ULK4: variants seen among roughly 807,000 people sequenced by gnomAD.
ULK4 encodes the protein unc-51 like kinase 4.
ULK4 carries 133 observed loss-of-function variants against 160.6 expected under a neutral mutation model. The observed-to-expected ratio is 0.83, with a 90% CI of 0.72 to 0.96. The LOEUF (loss-of-function observed/expected upper bound fraction) is 0.96, where lower values mean the gene tolerates loss of function less well. ULK4 is among the 40% of genes least tolerant of loss of function. The pLI is 0.00. For missense variants in ULK4, 1,580 were observed against 1,499.5 expected (o/e 1.05, Z -0.89); for synonymous variants, 534 against 539.8 (o/e 0.99, Z 0.15).
At chr3:41,895,271 TTAATAAA>T (rs1434894543) in intron 16 of ULK4, among the ~76,000 whole-genome samples, 1 of 152,130 alleles carries the variant, frequency 6.6e-6, no homozygotes, top group Non-Finnish European at 1.5e-5. Context: ...ACAATAACAG[TTAATAAA>T]GTTTCCAGGA....
At chr3:41,514,674 G>A (rs2085693866) in intron 32 of ULK4, among the ~76,000 whole-genome samples, 1 of 152,188 alleles carries the variant, frequency 6.6e-6, no homozygotes, top group South Asian at 2.1e-4. Flanking sequence ...AAACAAGCCA[G>A]GCACAGAAAG....
intron 35 of ULK4, among the ~76,000 whole-genome samples, chr3:41,363,365 T>C (rs2081185957): frequency 1.3e-5 from 2 of 152,192 alleles, no homozygotes; most frequent in Admixed American, 6.5e-5. Flanking sequence ...TGTGCTCTCC[T>C]GAGTCAGACA....
rs1037288571 is a variant in ULK4, at chr3:41,960,608, G to A, written c.-49+1408C>T. Among the ~76,000 whole-genome samples, 18 of 152,112 alleles carry A rather than the reference G, an allele frequency of 1.2e-4. No homozygotes were observed. In the Middle Eastern group the frequency reaches 0.01, roughly 86 times the overall value. On this transcript the variant is annotated intron_variant, in intron 1 of 36. Transcript: ENST00000301831. ...TAGAACTCCTGGCCTCAAGTGATCC[G>A]CCTGCCTCGGCCTTCCAAAGTGCTA...
chr3:41,870,672 A>G (rs1385322232), intron 17 of ULK4, among the ~76,000 whole-genome samples: 3 of 152,222 alleles, frequency 2.0e-5, no homozygotes, highest in Admixed American at 6.5e-5. Context: ...ATGTGTATAT[A>G]TAATTCTACA....
At chr3:41,625,177 G>C (rs537188179) in intron 30 of ULK4, among the ~76,000 whole-genome samples, 1 of 152,138 alleles carries the variant, frequency 6.6e-6, no homozygotes, top group Non-Finnish European at 1.5e-5. Flanking sequence ...TTAATTAAAA[G>C]AATAAAACAG....
At chr3:41,596,543 T>TGG (rs916534565) in intron 31 of ULK4, among the ~76,000 whole-genome samples, 1 of 152,098 alleles carries the variant, frequency 6.6e-6, no homozygotes, top group Non-Finnish European at 1.5e-5. Context: ...TGATAATGGC[T>TGG]GGGTCAATGG....
intron 21 of ULK4, among the ~76,000 whole-genome samples, chr3:41,771,643 A>C (rs1045310946): frequency 6.6e-6 from 1 of 152,156 alleles, no homozygotes; most frequent in Non-Finnish European, 1.5e-5. Flanking sequence ...TGTGGTAGGA[A>C]GACCATAATA....
intron 35 of ULK4, among the ~76,000 whole-genome samples, chr3:41,300,839 ATATATATATATAT>A (rs2079775721): frequency 5.7e-5 from 1 of 17,538 alleles, no homozygotes; most frequent in African/African-American, 1.9e-4. Context: ...TTTACAGATT[ATATATATATATAT>A]ATATATATAT....
In ULK4 at chr3:41,392,472, T is replaced by G. The variant is rs138354296; in HGVS notation, c.3678+5607A>C. On this transcript the variant is annotated intron_variant, in intron 35 of 36. Transcript: ENST00000301831. The stretch of plus-strand genomic sequence containing the variant: ...AATCCAGGGCCCTTTCTGTGATTCA[T>G]AGGGAGGGATCTGCTACATTATTCC... Among the ~76,000 whole-genome samples the G allele has an allele frequency of 7.0e-4, 107 of 152,284 alleles. No individual in the cohort carries two copies. In the South Asian group the frequency reaches 0.014, roughly 20 times the overall value.
At chr3:41,951,924 T>G (rs1210745655) in intron 2 of ULK4, among the ~76,000 whole-genome samples, 1 of 152,244 alleles carries the variant, frequency 6.6e-6, no homozygotes, top group Non-Finnish European at 1.5e-5. Context: ...GGCACCTTAA[T>G]CCTGGACTTC....
At chr3:41,634,400 G>C (rs572593420) in intron 30 of ULK4, among the ~76,000 whole-genome samples, 1 of 152,292 alleles carries the variant, frequency 6.6e-6, no homozygotes, top group African/African-American at 2.4e-5. Flanking sequence ...CAGGAAACAA[G>C]ATGAAAGAGT....
At chr3:41,446,921 T>C (rs1463604471) in intron 34 of ULK4, among the ~76,000 whole-genome samples, 2 of 149,748 alleles carry the variant, frequency 1.3e-5, no homozygotes, top group Admixed American at 1.3e-4. Flanking sequence ...AATAAAAACG[T>C]ACCAAAAAAA....
In ULK4 at chr3:41,906,605, G is replaced by GA. The variant is rs575007690; in HGVS notation, c.1182+1239dup. On this transcript the variant is annotated intron_variant, in intron 12 of 36. Transcript: ENST00000301831. ...CCAAATATTCACCAGCTGATGACTG[G>GA]AAAAAAAAAAAGATGTTGTATATAC... Among the ~76,000 whole-genome samples, 736 of 144,190 alleles carry GA rather than the reference G, an allele frequency of 5.1e-3. 8 individuals carry two copies. The highest frequency in any genetic ancestry group is 0.015 in the African/African-American group (604 of 39,324). The allele number at this position is 144,190 out of a possible 152,430, so 94.6% of individuals were successfully genotyped here.
intron 31 of ULK4, among the ~76,000 whole-genome samples, chr3:41,569,013 A>G (rs1375913474): frequency 3.3e-5 from 5 of 152,198 alleles, no homozygotes; most frequent in Non-Finnish European, 7.3e-5. Flanking sequence ...CCATTTTACT[A>G]TAAAGGACAT....
At chr3:41,398,494 C>G (rs1457665657) in intron 34 of ULK4, among the ~76,000 whole-genome samples, 3 of 151,458 alleles carry the variant, frequency 2.0e-5, no homozygotes, top group Non-Finnish European at 2.9e-5. Context: ...AGTGATCCTC[C>G]TGCCTCAGCC....
rs1380005169 is a variant in ULK4 at position 41,246,841 on chromosome 3, G to T, written c.*88C>A. ...TTAGGTCCAAAGACAGCTGTGAGGG[G>T]ATGTGGCAAAGGTGTCTGGGAGCTG... On this transcript the variant is annotated 3_prime_UTR_variant, in exon 37 of 37. Coordinates refer to ENST00000301831, the MANE Select transcript of ULK4 (RefSeq NM_017886.4). 1.6e-5 allele frequency: 23 copies of T among 1,471,654 alleles called. No homozygotes were observed. The highest frequency in any genetic ancestry group is 2.1e-5 in the Non-Finnish European group (23 of 1,071,034). 91.2% of individuals were successfully genotyped at this position (1,471,654 alleles called of 1,614,324 possible).
intron 35 of ULK4, among the ~76,000 whole-genome samples, chr3:41,326,399 T>C (rs2080338622): frequency 6.6e-6 from 1 of 151,952 alleles, no homozygotes; most frequent in Non-Finnish European, 1.5e-5. Context: ...ACCCCACATA[T>C]GTTGAAAAAA....
intron 27 of ULK4, among the ~76,000 whole-genome samples, chr3:41,699,841 A>G (rs1194572518): frequency 6.6e-6 from 1 of 152,224 alleles, no homozygotes; most frequent in African/African-American, 2.4e-5. Context: ...TTATGAAGCC[A>G]GTAAGTTGCA....
rs113710250 is a variant in ULK4, at chr3:41,368,110, C to T, written c.3678+29969G>A. Reference sequence around the variant, plus strand: ...TTGCCCAGACTGGAGTGCAGTGGTGCGATCTCGGTTCACTGCAACCTCTGC... The same window carrying T: ...TTGCCCAGACTGGAGTGCAGTGGTGTGATCTCGGTTCACTGCAACCTCTGC... On this transcript the variant is annotated intron_variant, in intron 35 of 36. Coordinates refer to ENST00000301831, the MANE Select transcript of ULK4 (RefSeq NM_017886.4). Among the ~76,000 whole-genome samples the T allele has an allele frequency of 7.4e-3, 1,115 of 151,214 alleles. 10 individuals carry two copies. Among genetic ancestry groups the T allele is most frequent in the Middle Eastern group, 0.014 (4 of 288 alleles).
Sources: allele counts gnomAD v4.1 joint callset (sites outside exome capture counted in the v4.1 genomes callset), GRCh38; gene constraint gnomAD v4.1.1; transcripts MANE v1.5; gene names NCBI Gene and HGNC (gene_info 2026-07-23, HGNC 2026-07-21).